The following PPP2R2B variants were observed in gnomAD, a reference collection of about 807,000 sequenced individuals.
The protein encoded by PPP2R2B is protein phosphatase 2 regulatory subunit Bbeta.
Under a neutral mutation model 46.0 loss-of-function variants are expected in PPP2R2B, and 5 were observed. The ratio of observed to expected loss-of-function variants is 0.11; its 90% CI spans 0.06 to 0.23. PPP2R2B has a LOEUF of 0.23. PPP2R2B is among the 10% of genes least tolerant of loss of function. The pLI is 1.00. For missense variants in PPP2R2B, 367 were observed against 575.0 expected (o/e 0.64, Z 3.70); for synonymous variants, 215 against 206.7 (o/e 1.04, Z -0.34).
rs1365235502 is a variant in PPP2R2B at position 146,878,420 on chromosome 5, G to C, written c.-125+171C>G. The C allele has an allele frequency of 2.8e-6, 4 of 1,414,160 alleles. No homozygotes were observed. The highest frequency in any genetic ancestry group is 3.1e-5 in the South Asian group (2 of 65,520). The allele number at this position is 1,414,160 out of a possible 1,614,324, so 87.6% of individuals were successfully genotyped here. The stretch of plus-strand genomic sequence containing the variant: ...GGTCCCGCCCGCCCGCCCCGGAGGC[G>C]CTCACAAGCGGGTCTGGGGAGATGC... On this transcript the variant is annotated intron_variant, in intron 1 of 9. Coordinates refer to ENST00000394411, the MANE Select transcript of PPP2R2B (RefSeq NM_181675.4). This position sits in a 1 kb window ranked among gnomAD's most constrained non-coding sequence, Gnocchi z 4.5.
At chr5:146,939,044 C>A (rs551037787) in intron 1 of PPP2R2B, among the ~76,000 whole-genome samples, 1 of 152,010 alleles carries the variant, frequency 6.6e-6, no homozygotes, top group African/African-American at 2.4e-5. Context: ...TTTAAGTAGA[C>A]AATACACATG....
chr5:146,777,701 T>C (rs543428053), intron 2 of PPP2R2B, among the ~76,000 whole-genome samples: 2 of 152,310 alleles, frequency 1.3e-5, no homozygotes, highest in East Asian at 1.9e-4. Flanking sequence ...AATGGCACCA[T>C]ACTATGACAT....
intron 1 of PPP2R2B, among the ~76,000 whole-genome samples, chr5:146,958,387 A>G (rs1752017617): frequency 6.6e-6 from 1 of 152,144 alleles, no homozygotes; most frequent in African/African-American, 2.4e-5. Flanking sequence ...CTCCATGAGC[A>G]CTTTCTGGGT....
Position 146,878,009 on chromosome 5 carries a change from C to T in PPP2R2B, c.63G>A (p.Ala21=), listed in dbSNP as rs753839993. ...CGGCGGGGCTGGCGTTACCTTCGGT[C>T]GCATAGCTGTGGTCGCGCAGGAAAC... ...NNSFLRDHSY[A]TEADIISTVE... Residue 21 remains alanine, a synonymous_variant, in exon 2 of 10, where the codon GCG becomes GCA. Transcript: ENST00000394411. This position sits in a 1 kb window ranked among gnomAD's most constrained non-coding sequence, Gnocchi z 4.5. 6.2e-7 allele frequency: 1 copy of T among 1,613,006 alleles called. No individual in the cohort carries two copies. Among genetic ancestry groups the T allele is most frequent in the South Asian group, 1.1e-5 (1 of 90,978 alleles).
intron 1 of PPP2R2B, among the ~76,000 whole-genome samples, chr5:147,032,277 C>A (rs1755820308): frequency 6.6e-6 from 1 of 152,064 alleles, no homozygotes; most frequent in Non-Finnish European, 1.5e-5. Context: ...ACACAAATGG[C>A]CAACAAATAT....
chr5:146,938,827 A>G (rs1764237292), intron 1 of PPP2R2B, among the ~76,000 whole-genome samples: 1 of 121,370 alleles, frequency 8.2e-6, no homozygotes, highest in South Asian at 2.7e-4. Flanking sequence ...GATGGAGTGC[A>G]TGGAGTGCAG....
At chr5:146,607,269 C>G (rs1478103513) in intron 7 of PPP2R2B, 1 of 152,166 alleles carries the variant, frequency 6.6e-6, no homozygotes, top group East Asian at 1.9e-4. Context: ...CAGCTGAGGA[C>G]AGTGAGAGAA....
intron 1 of PPP2R2B, among the ~76,000 whole-genome samples, chr5:146,912,263 T>G (rs56133580): frequency 1.2e-3 from 151 of 121,624 alleles, no homozygotes; most frequent in African/African-American, 5.1e-3. Flanking sequence ...AAAAAAAAAG[T>G]TCCCTAAGAG....
intron 1 of PPP2R2B, among the ~76,000 whole-genome samples, chr5:146,929,741 G>C (rs1401707169): frequency 6.6e-6 from 1 of 152,242 alleles, no homozygotes; most frequent in South Asian, 2.1e-4. Flanking sequence ...CAGCAGTTTT[G>C]CGTGTGGGCT....
upstream of PPP2R2B, among the ~76,000 whole-genome samples, chr5:146,880,526 T>C (rs1457610803): frequency 6.6e-6 from 1 of 152,160 alleles, no homozygotes; most frequent in East Asian, 1.9e-4. Context: ...GTTCATCTCT[T>C]AGTGAATCAA....
At chr5:146,875,713 T>C (rs553240449) in intron 2 of PPP2R2B, among the ~76,000 whole-genome samples, 2 of 152,316 alleles carry the variant, frequency 1.3e-5, no homozygotes, top group East Asian at 3.9e-4. Flanking sequence ...AAGCAAGATC[T>C]ATGGAAGGAC....
rs1319260779 is a variant in PPP2R2B, at chr5:147,028,254, G to T, written c.79+27411C>A. On this transcript the variant is annotated intron_variant, in intron 1 of 8. Transcript: ENST00000336640. ...ATTCAGTAACCTCTTCTCCCTTCTT[G>T]ATCCTGCAGGACCAAGGCTAATAAT... 2.0e-5 allele frequency among the ~76,000 whole-genome samples: 3 copies of T among 152,056 alleles called. No individual in the cohort carries two copies. The South Asian group carries it at 6.2e-4, about 32-fold the overall frequency.
intron 1 of PPP2R2B, among the ~76,000 whole-genome samples, chr5:147,025,540 G>A (rs969569171): frequency 4.0e-5 from 6 of 151,200 alleles, no homozygotes; most frequent in Non-Finnish European, 7.4e-5. Context: ...TGACACCAAA[G>A]CATGATCTAT....
chr5:146,845,177 C>T (rs1043800831), intron 2 of PPP2R2B, among the ~76,000 whole-genome samples: 7 of 152,106 alleles, frequency 4.6e-5, no homozygotes, highest in Admixed American at 1.3e-4. Context: ...CATTGTCATT[C>T]TTTATCTCCC....
chr5:146,701,126 C>T lies in PPP2R2B; in HGVS notation c.87G>A (p.Thr29=), dbSNP rs754928082. ...SYATEADIIS[T]VEFNHTGELL... is the part of the protein sequence containing the mutation. ...ATTCTCCCGTGTGGTTGAATTCTAC[C>T]GTAGAGATAATGTCAGCTGCAAAGA... The change falls in exon 3 of 10, where the codon ACG becomes ACA. Residue 29 remains threonine, a synonymous_variant. Coordinates refer to ENST00000394411, the MANE Select transcript of PPP2R2B (RefSeq NM_181675.4). The T allele has an allele frequency of 9.9e-6, 16 of 1,613,454 alleles. No homozygotes were observed. Among genetic ancestry groups the T allele is most frequent in the African/African-American group, 8.0e-5 (6 of 74,864 alleles).
At position 146,928,435 on chromosome 5, in the gene PPP2R2B, ATTAAT is replaced by A. The variant is rs377270841; in HGVS notation, c.79+127225_79+127229del. On this transcript the variant is annotated intron_variant, in intron 1 of 8. Transcript: ENST00000336640. ...ATAGGCTTTTTCCATCTTGATTGAT[ATTAAT>A]TTATCTGCTCAGATGCTCAGACCAA... Among the ~76,000 whole-genome samples, 34 of 152,068 alleles carry A rather than the reference ATTAAT, an allele frequency of 2.2e-4. No homozygotes were observed. In the East Asian group the frequency reaches 6.2e-3, roughly 28 times the overall value.
intron 1 of PPP2R2B, among the ~76,000 whole-genome samples, chr5:146,964,062 G>T (rs994330634): frequency 6.6e-6 from 1 of 152,174 alleles, no homozygotes; most frequent in African/African-American, 2.4e-5. Context: ...AAGTCAGCTG[G>T]ACACTGGGGT....
At chr5:146,774,732 G>A (rs920658940) in intron 2 of PPP2R2B, among the ~76,000 whole-genome samples, 25 of 151,418 alleles carry the variant, frequency 1.7e-4, no homozygotes, top group Non-Finnish European at 1.5e-4. Flanking sequence ...CAGGATAATC[G>A]CTTGAGCCTG....
intron 1 of PPP2R2B, among the ~76,000 whole-genome samples, chr5:147,030,750 A>G (rs1179892019): frequency 6.6e-6 from 1 of 152,164 alleles, no homozygotes; most frequent in African/African-American, 2.4e-5. Context: ...GAGCTTAATA[A>G]CTTTAACTCC....
Sources: allele counts gnomAD v4.1 joint callset (sites outside exome capture counted in the v4.1 genomes callset), GRCh38; gene constraint gnomAD v4.1.1; non-coding constraint Gnocchi (gnomAD v3.1); transcripts MANE v1.5; gene names NCBI Gene and HGNC (gene_info 2026-07-23, HGNC 2026-07-21).